DLG2: variants seen among roughly 807,000 people sequenced by gnomAD.
The protein encoded by DLG2 is disks large homolog 2.
Under a neutral mutation model 132.5 loss-of-function variants are expected in DLG2, and 45 were observed. The ratio of observed to expected loss-of-function variants is 0.34; its 90% CI spans 0.27 to 0.44. The LOEUF (loss-of-function observed/expected upper bound fraction) is 0.44. Ranked by LOEUF, DLG2 falls within the 20% of genes least tolerant of loss-of-function variation. The pLI is 1.00. For missense variants in DLG2, 1,045 were observed against 1,196.9 expected (o/e 0.87, Z 1.87); for synonymous variants, 424 against 419.6 (o/e 1.01, Z -0.13).
At chr11:84,175,538 C>T (rs1271063445) in intron 8 of DLG2, among the ~76,000 whole-genome samples, 1 of 152,094 alleles carries the variant, frequency 6.6e-6, no homozygotes, top group Admixed American at 6.6e-5. Flanking sequence ...TCAAATCTTG[C>T]TAACAATGAG....
chr11:84,600,660 A>G (rs928575093), intron 6 of DLG2, among the ~76,000 whole-genome samples: 1 of 152,224 alleles, frequency 6.6e-6, no homozygotes, highest in Admixed American at 6.5e-5. Context: ...TTTATCATGT[A>G]TAAATATAAC....
chr11:84,796,391 T>C (rs759602105), intron 6 of DLG2, among the ~76,000 whole-genome samples: 2 of 152,242 alleles, frequency 1.3e-5, no homozygotes, highest in Non-Finnish European at 2.9e-5. Flanking sequence ...TATTAGTTCA[T>C]TGTTTCATCT....
intron 8 of DLG2, among the ~76,000 whole-genome samples, chr11:84,220,138 A>G (rs1214061433): frequency 6.6e-6 from 1 of 152,148 alleles, no homozygotes; most frequent in African/African-American, 2.4e-5. Flanking sequence ...TTGTATATTA[A>G]TGTGTTCGTA....
At chr11:85,447,841 C>T (rs1160775674) in intron 3 of DLG2, among the ~76,000 whole-genome samples, 1 of 152,120 alleles carries the variant, frequency 6.6e-6, no homozygotes, top group African/African-American at 2.4e-5. Context: ...TAGACTTGTA[C>T]ATCAATAAAT....
chr11:83,598,945 C>A lies in DLG2; in HGVS notation c.1940+34266G>T, dbSNP rs114024537. The stretch of plus-strand genomic sequence containing the variant: ...CACACATTTAAATCCTGCGGCCTTA[C>A]CTCCAGCTGGCTTTCATCTGCCCCA... On this transcript the variant is annotated intron_variant, in intron 19 of 27. Coordinates refer to ENST00000376104, the MANE Select transcript of DLG2 (RefSeq NM_001142699.3). Among the ~76,000 whole-genome samples, 171 of 152,282 alleles carry A rather than the reference C, an allele frequency of 1.1e-3. 1 individual carries two copies. The highest frequency in any genetic ancestry group is 4.0e-3 in the African/African-American group (168 of 41,558).
chr11:83,739,891 C>T (rs955715212), intron 18 of DLG2, among the ~76,000 whole-genome samples: 9 of 152,156 alleles, frequency 5.9e-5, no homozygotes, highest in African/African-American at 7.2e-5. Context: ...GTAGGCTTGA[C>T]GACACTTGGT....
chr11:84,068,109 A>C (rs2096706395), intron 10 of DLG2, among the ~76,000 whole-genome samples: 1 of 152,240 alleles, frequency 6.6e-6, no homozygotes, highest in Non-Finnish European at 1.5e-5. Context: ...ATTTTCTTCC[A>C]TGTTGACTAT....
At chr11:84,287,188 T>C (rs1246348771) in intron 7 of DLG2, among the ~76,000 whole-genome samples, 3 of 152,192 alleles carry the variant, frequency 2.0e-5, no homozygotes, top group Non-Finnish European at 4.4e-5. Context: ...TTTGGTGTTT[T>C]AGTAAGCTCT....
chr11:84,526,852 C>G (rs1330436056), intron 7 of DLG2, among the ~76,000 whole-genome samples: 1 of 147,766 alleles, frequency 6.8e-6, no homozygotes. Flanking sequence ...AATCTCGGCT[C>G]ACTGCAAGCT....
At chr11:85,028,287 T>C (rs1325752011) in intron 6 of DLG2, among the ~76,000 whole-genome samples, 2 of 152,128 alleles carry the variant, frequency 1.3e-5, no homozygotes, top group African/African-American at 4.8e-5. Flanking sequence ...TGTGTGCGGA[T>C]TGGTCCATGG....
At chr11:84,915,731 C>G (rs898800514) in intron 6 of DLG2, among the ~76,000 whole-genome samples, 2 of 152,132 alleles carry the variant, frequency 1.3e-5, no homozygotes, top group African/African-American at 4.8e-5. Flanking sequence ...TGTTGTGCAT[C>G]TATTCTTATT....
chr11:84,446,636 TTC>T (rs1278674518), intron 7 of DLG2, among the ~76,000 whole-genome samples: 1 of 152,140 alleles, frequency 6.6e-6, no homozygotes, highest in African/African-American at 2.4e-5. Flanking sequence ...CTCTTTTTTT[TTC>T]TTTTTCCACT....
chr11:84,822,472 C>A (rs2077816378), intron 6 of DLG2, among the ~76,000 whole-genome samples: 1 of 151,644 alleles, frequency 6.6e-6, no homozygotes, highest in Non-Finnish European at 1.5e-5. Flanking sequence ...TATTAAAGTC[C>A]ATTTAGTTAT....
chr11:85,195,819 C>T (rs896918679), intron 4 of DLG2, among the ~76,000 whole-genome samples: 23 of 152,122 alleles, frequency 1.5e-4, no homozygotes, highest in Non-Finnish European at 4.4e-5. Context: ...AGCCACCGCG[C>T]CCGGCCGACA....
chr11:83,891,765 C>T (rs549398276), intron 15 of DLG2, among the ~76,000 whole-genome samples: 1 of 152,272 alleles, frequency 6.6e-6, no homozygotes, highest in African/African-American at 2.4e-5. Flanking sequence ...ATGCAGAACA[C>T]CTCCTATTAT....
intron 19 of DLG2, among the ~76,000 whole-genome samples, chr11:83,584,289 T>A (rs2097040005): frequency 6.6e-6 from 1 of 152,218 alleles, no homozygotes; most frequent in Admixed American, 6.5e-5. Context: ...ACATTCGTCT[T>A]GTCAATACAC....
chr11:85,137,629 C>A (rs998764161), intron 5 of DLG2, among the ~76,000 whole-genome samples: 1 of 152,134 alleles, frequency 6.6e-6, no homozygotes, highest in Non-Finnish European at 1.5e-5. Context: ...GGGTTCCTAT[C>A]TGACACCTTC....
At chr11:85,315,305 A>T (rs1453728820) in intron 3 of DLG2, among the ~76,000 whole-genome samples, 2 of 151,596 alleles carry the variant, frequency 1.3e-5, no homozygotes, top group African/African-American at 2.4e-5. Flanking sequence ...GCCAACTTTA[A>T]CTCCATCCAA....
intron 15 of DLG2, among the ~76,000 whole-genome samples, chr11:83,927,654 T>C (rs560950917): frequency 5.5e-4 from 84 of 152,260 alleles, no homozygotes; most frequent in Non-Finnish European, 9.3e-4. Flanking sequence ...TGTTAATGAC[T>C]TCGCATTGCA....
Sources: allele counts gnomAD v4.1 joint callset (sites outside exome capture counted in the v4.1 genomes callset), GRCh38; gene constraint gnomAD v4.1.1; transcripts MANE v1.5; gene names NCBI Gene and HGNC (gene_info 2026-07-23, HGNC 2026-07-21).